C13orf42: variants seen among roughly 807,000 people sequenced by gnomAD.
The protein encoded by C13orf42 is uncharacterized protein C13orf42.
intron 1 of C13orf42, among the ~76,000 whole-genome samples, chr13:51,159,584 T>C (rs960676995): frequency 2.6e-5 from 4 of 152,222 alleles, no homozygotes; most frequent in Admixed American, 2.6e-4. Context: ...CTGTCATTGT[T>C]ATTCCACTGC....
At chr13:51,120,954 C>A (rs1283076218) in intron 1 of C13orf42, among the ~76,000 whole-genome samples, 1 of 152,186 alleles carries the variant, frequency 6.6e-6, no homozygotes, top group Non-Finnish European at 1.5e-5. Context: ...GCAGAGGTTG[C>A]AGTGAGCTGA....
chr13:51,121,886 T>C (rs1376766528), intron 1 of C13orf42, among the ~76,000 whole-genome samples: 1 of 152,172 alleles, frequency 6.6e-6, no homozygotes, highest in African/African-American at 2.4e-5. Flanking sequence ...ACTTGTATAA[T>C]GGAACACAGC....
intron 3 of C13orf42, 33 bp downstream of exon 3, chr13:51,085,286 A>C (rs1034774565): frequency 4.0e-5 from 16 of 397,800 alleles, no homozygotes; most frequent in Admixed American, 1.3e-4. Context: ...CCACGAGAAC[A>C]TCTTGGTCAT....
intron 1 of C13orf42, among the ~76,000 whole-genome samples, chr13:51,136,910 TA>T (rs1236065786): frequency 6.6e-6 from 1 of 152,220 alleles, no homozygotes; most frequent in African/African-American, 2.4e-5. Context: ...CCAGCTCTCA[TA>T]AAACTTGCTG....
upstream of C13orf42, among the ~76,000 whole-genome samples, chr13:51,111,772 C>G (rs2138004950): frequency 6.6e-6 from 1 of 152,214 alleles, no homozygotes; most frequent in African/African-American, 2.4e-5. Flanking sequence ...AATCTAGTCC[C>G]CCGAGATGGG....
intron 1 of C13orf42, among the ~76,000 whole-genome samples, chr13:51,159,537 C>G (rs1468065135): frequency 6.6e-6 from 1 of 152,184 alleles, no homozygotes; most frequent in Non-Finnish European, 1.5e-5. Flanking sequence ...TTTTCGTTGA[C>G]TTTCAAAAAA....
intron 1 of C13orf42, among the ~76,000 whole-genome samples, chr13:51,166,506 G>A (rs1026842781): frequency 6.8e-6 from 1 of 147,314 alleles, no homozygotes. Flanking sequence ...TGACGAGTTA[G>A]TGGGTGCAGC....
At chr13:51,117,404 A>G (rs1244234359) in intron 1 of C13orf42, among the ~76,000 whole-genome samples, 2 of 152,260 alleles carry the variant, frequency 1.3e-5, no homozygotes, top group Non-Finnish European at 2.9e-5. Context: ...CCTTGGAAAG[A>G]CAAATTCAGG....
At chr13:51,127,408 C>T (rs187316820) in intron 1 of C13orf42, among the ~76,000 whole-genome samples, 1 of 152,318 alleles carries the variant, frequency 6.6e-6, no homozygotes, top group Non-Finnish European at 1.5e-5. Flanking sequence ...TTGTCCATAG[C>T]CATACAGCTA....
intron 1 of C13orf42, among the ~76,000 whole-genome samples, chr13:51,099,508 T>A (rs1440488344): frequency 6.6e-6 from 1 of 152,228 alleles, no homozygotes; most frequent in Non-Finnish European, 1.5e-5. Flanking sequence ...TGGTATTATC[T>A]ATTATAACTA....
chr13:51,158,675 T>A (rs556796249), intron 1 of C13orf42, among the ~76,000 whole-genome samples: 3 of 152,332 alleles, frequency 2.0e-5, no homozygotes, highest in African/African-American at 7.2e-5. Context: ...AGGCAGCAAC[T>A]GAACACACAA....
intron 1 of C13orf42, among the ~76,000 whole-genome samples, chr13:51,144,699 T>A (rs1953721615): frequency 6.6e-6 from 1 of 152,310 alleles, no homozygotes; most frequent in East Asian, 1.9e-4. Context: ...GTAAAGAATG[T>A]CACTTTCTGA....
intron 1 of C13orf42, among the ~76,000 whole-genome samples, chr13:51,143,833 A>G (rs1426659508): frequency 6.6e-6 from 1 of 152,216 alleles, no homozygotes; most frequent in African/African-American, 2.4e-5. Flanking sequence ...AAAAAATTAT[A>G]CGGGAAGCAT....
intron 1 of C13orf42, among the ~76,000 whole-genome samples, chr13:51,136,314 C>A (rs12323248): frequency 1.3e-5 from 2 of 152,160 alleles, no homozygotes; most frequent in South Asian, 4.1e-4. Context: ...AAATAAGAAG[C>A]AAGGTGAACC....
At chr13:51,104,164 T>C (rs748470588) in intron 1 of C13orf42, among the ~76,000 whole-genome samples, 24 of 152,242 alleles carry the variant, frequency 1.6e-4, no homozygotes, top group Non-Finnish European at 3.1e-4. Context: ...ATTCGTATTC[T>C]AGGGTACTAC....
chr13:51,170,731 C>T (rs968485423), intron 1 of C13orf42, among the ~76,000 whole-genome samples: 4 of 152,136 alleles, frequency 2.6e-5, no homozygotes, highest in Non-Finnish European at 4.4e-5. Flanking sequence ...GGGTGTCAGA[C>T]CACGCAGGGA....
chr13:51,087,504 C>T (rs967550942), intron 2 of C13orf42, among the ~76,000 whole-genome samples: 3 of 152,134 alleles, frequency 2.0e-5, no homozygotes, highest in African/African-American at 4.8e-5. Context: ...GTTTTGCAAG[C>T]GATCTCTGGA....
intron 1 of C13orf42, among the ~76,000 whole-genome samples, chr13:51,136,299 C>T (rs1383733312): frequency 6.6e-6 from 1 of 152,152 alleles, no homozygotes; most frequent in Non-Finnish European, 1.5e-5. Flanking sequence ...CCCAACCCAC[C>T]CCCAAAATAA....
At chr13:51,097,688 G>T (rs1180046597) in intron 1 of C13orf42, among the ~76,000 whole-genome samples, 1 of 151,504 alleles carries the variant, frequency 6.6e-6, no homozygotes, top group African/African-American at 2.4e-5. Flanking sequence ...AAACCCAAAA[G>T]TCTTCCCTCC....
Sources: allele counts gnomAD v4.1 joint callset (sites outside exome capture counted in the v4.1 genomes callset), GRCh38; gene constraint gnomAD v4.1.1; transcripts MANE v1.5; gene names NCBI Gene and HGNC (gene_info 2026-07-23, HGNC 2026-07-21).